NFATC1: variants seen among roughly 807,000 people sequenced by gnomAD.
NFATC1 encodes nuclear factor of activated T-cells, cytoplasmic 1.
A neutral mutation model predicts 76.0 loss-of-function variants in NFATC1; 22 were observed. The observed-to-expected ratio is 0.29, with a 90% CI of 0.21 to 0.41. NFATC1 has a LOEUF of 0.41. Among genes scored for constraint, NFATC1 ranks in the 10% least tolerant of loss-of-function variants. The pLI, the probability that NFATC1 is intolerant of heterozygous loss-of-function variation, is 1.00. For missense variants in NFATC1, 1,357 were observed against 1,337.7 expected (o/e 1.01, Z -0.23); for synonymous variants, 704 against 613.1 (o/e 1.15, Z -2.19).
At chr18:79,514,739 T>G (rs747774212) in intron 9 of NFATC1, among the ~76,000 whole-genome samples, 7 of 151,850 alleles carry the variant, frequency 4.6e-5, no homozygotes, top group Non-Finnish European at 1.0e-4. Flanking sequence ...TAGTTGAAAG[T>G]CACATTTTAG....
At chr18:79,476,082 G>A (rs1196487584) in intron 8 of NFATC1, among the ~76,000 whole-genome samples, 1 of 135,032 alleles carries the variant, frequency 7.4e-6, no homozygotes, top group Non-Finnish European at 1.5e-5. Context: ...AGAAATCTAA[G>A]GGCCACGGGC....
rs899983479 is a variant in NFATC1, at chr18:79,410,528, C to T, written c.253C>T (p.His85Tyr). The part of the protein sequence containing the change: ...STPGIIPPAD[H>Y]PSGYGAALDG... ...ACCGGGCATCATCCCGCCGGCGGAT[C>T]ACCCCTCGGGGTACGGAGCAGCTTT... is the stretch of plus-strand genomic sequence containing the variant. Residue 85 changes from histidine to tyrosine, a missense_variant, in exon 2 of 10, where the codon CAC (histidine) becomes TAC (tyrosine). Transcript: ENST00000427363. The surrounding 1 kb of genome is among the most constrained non-coding windows in gnomAD (Gnocchi z 6.7). 6.8e-6 allele frequency: 11 copies of T among 1,611,890 alleles called. No homozygotes were observed. Among genetic ancestry groups the T allele is most frequent in the Non-Finnish European group, 9.3e-6 (11 of 1,179,994 alleles).
chr18:79,425,756 C>T (rs1354053827), intron 2 of NFATC1, among the ~76,000 whole-genome samples: 1 of 152,168 alleles, frequency 6.6e-6, no homozygotes, highest in African/African-American at 2.4e-5. Context: ...TCAGGCTCAG[C>T]TCTTTGGAAA....
At chr18:79,436,872 G>A (rs547072146) in intron 3 of NFATC1, among the ~76,000 whole-genome samples, 34 of 152,126 alleles carry the variant, frequency 2.2e-4, no homozygotes, top group Admixed American at 1.8e-3. Flanking sequence ...GCCCCCTGCC[G>A]TCTCTGTGGG....
chr18:79,480,924 C>T (rs2089250683), intron 8 of NFATC1, among the ~76,000 whole-genome samples: 1 of 152,240 alleles, frequency 6.6e-6, no homozygotes, highest in African/African-American at 2.4e-5. Flanking sequence ...TTAATTTAAC[C>T]TTCCAGCCAT....
intron 3 of NFATC1, among the ~76,000 whole-genome samples, chr18:79,442,419 C>T (rs1033935974): frequency 2.0e-5 from 3 of 152,216 alleles, no homozygotes; most frequent in Non-Finnish European, 2.9e-5. Context: ...GGGCTCCTGC[C>T]GCGTGCCTGT....
At chr18:79,507,488 C>T (rs2090143320) in intron 9 of NFATC1, among the ~76,000 whole-genome samples, 1 of 152,242 alleles carries the variant, frequency 6.6e-6, no homozygotes, top group African/African-American at 2.4e-5. Context: ...GGAGCCCCTG[C>T]CCTCCGGGGC....
At chr18:79,491,817 G>C (rs1015121307) in intron 9 of NFATC1, among the ~76,000 whole-genome samples, 2 of 152,136 alleles carry the variant, frequency 1.3e-5, no homozygotes, top group Non-Finnish European at 2.9e-5. Flanking sequence ...ATGTCCTCGT[G>C]GGGCCGGGGA....
At chr18:79,455,201 C>G (rs533379093) in intron 6 of NFATC1, among the ~76,000 whole-genome samples, 1 of 152,334 alleles carries the variant, frequency 6.6e-6, no homozygotes, top group African/African-American at 2.4e-5. Context: ...AAAACATCAG[C>G]GAAGCCTGTT....
chr18:79,400,627 A>C (rs980672708), intron 1 of NFATC1: 18 of 682,734 alleles, frequency 2.6e-5, no homozygotes, highest in Admixed American at 4.5e-5. Flanking sequence ...GGGACGCTGC[A>C]GTGCGGGGCG....
intron 3 of NFATC1, chr18:79,448,462 C>A: frequency 2.6e-6 from 1 of 391,602 alleles, no homozygotes; most frequent in Non-Finnish European, 4.7e-6. Context: ...TTGCACATGG[C>A]TCAGCGAGGG....
Position 79,451,757 on chromosome 18 carries a change from T to C in NFATC1, c.1844T>C (p.Val615Ala), listed in dbSNP as rs757213074. The change falls in exon 6 of 10, where the codon GTC (valine) becomes GCC (alanine). Residue 615 changes from valine to alanine, a missense_variant. Transcript: ENST00000427363. ...SYPVVGGKKM[V>A]LSGHNFLQDS... The stretch of plus-strand genomic sequence containing the variant: ...CCGGTCGTGGGCGGGAAGAAGATGG[T>C]CCTGTCTGGCCACAACTTCCTGCAG... The C allele has an allele frequency of 8.7e-6, 14 of 1,613,116 alleles. No individual in the cohort carries two copies. The Admixed American group carries it at 1.2e-4, about 13-fold the overall frequency.
Position 79,464,698 on chromosome 18 carries a change from A to ATTTT in NFATC1, c.1960-2749_1960-2748insTTTT, listed in dbSNP as rs1555911973. On this transcript the variant is annotated intron_variant, in intron 7 of 9. Transcript: ENST00000427363. ...TATGTATGTGTATATATATATATTT[A>ATTTT]TTTATTTATTTATTTTTTTTTTTTT... is the stretch of plus-strand genomic sequence containing the variant. 3.2e-5 allele frequency among the ~76,000 whole-genome samples: 3 copies of ATTTT among 94,874 alleles called. No homozygotes were observed. In the East Asian group the frequency reaches 9.0e-4, roughly 29 times the overall value. 62.2% of individuals were successfully genotyped at this position (94,874 alleles called of 152,430 possible).
chr18:79,440,654 C>T (rs1352510019), intron 3 of NFATC1, among the ~76,000 whole-genome samples: 1 of 152,220 alleles, frequency 6.6e-6, no homozygotes, highest in African/African-American at 2.4e-5. Context: ...CTGGGTTCTC[C>T]CGGGAAGGAG....
chr18:79,401,584 G>A (rs1386733164), intron 1 of NFATC1, among the ~76,000 whole-genome samples: 3 of 152,196 alleles, frequency 2.0e-5, no homozygotes, highest in African/African-American at 7.2e-5. Flanking sequence ...TCCAGAGCTG[G>A]TTCCAGTCCT....
intron 3 of NFATC1, among the ~76,000 whole-genome samples, chr18:79,435,357 T>G (rs1336827667): frequency 6.6e-6 from 1 of 150,918 alleles, no homozygotes; most frequent in South Asian, 2.1e-4. Context: ...TGTTTGTTTT[T>G]TTTTTTTTTT....
intron 2 of NFATC1, among the ~76,000 whole-genome samples, chr18:79,414,178 C>T (rs2085796447): frequency 6.6e-6 from 1 of 152,188 alleles, no homozygotes; most frequent in Non-Finnish European, 1.5e-5. Context: ...GCCAGACTTC[C>T]TTCCCCAGGA....
In NFATC1 at chr18:79,527,626, G is replaced by A. The variant is rs753481304; in HGVS notation, c.*49G>A. 1.2e-5 allele frequency: 18 copies of A among 1,547,728 alleles called. No individual in the cohort carries two copies. Among genetic ancestry groups the A allele is most frequent in the Non-Finnish European group, 1.5e-5 (17 of 1,121,796 alleles). ...CAGCAGGGGTATGCTGACTTCAGCA[G>A]ACAAAGACTTTTGAATAAATAAACT... On this transcript the variant is annotated 3_prime_UTR_variant, in exon 10 of 10. Transcript: ENST00000427363.
At chr18:79,487,667 G>A (rs372761853) in intron 9 of NFATC1, among the ~76,000 whole-genome samples, 14 of 152,230 alleles carry the variant, frequency 9.2e-5, no homozygotes, top group African/African-American at 2.9e-4. Flanking sequence ...GACCGAAGGC[G>A]CCGTGGCGTT....
Sources: gnomAD v4.1 joint callset for allele counts (sites outside exome capture counted in the v4.1 genomes callset) on GRCh38, gnomAD v4.1.1 for gene constraint, Gnocchi (gnomAD v3.1) non-coding constraint, MANE v1.5 for transcripts, NCBI Gene and HGNC (gene_info 2026-07-23, HGNC 2026-07-21) for gene names.